Variants in SLC44A5 observed in about 807,000 individuals in gnomAD.
The protein encoded by SLC44A5 is choline transporter-like protein 5.
A neutral mutation model predicts 101.8 loss-of-function variants in SLC44A5; 57 were observed. That is an observed-to-expected ratio of 0.56 (90% CI 0.45 to 0.70). SLC44A5 has a LOEUF of 0.70. Ranked by LOEUF, SLC44A5 falls within the 30% of genes least tolerant of loss-of-function variation. The probability of loss-of-function intolerance (pLI) is 0.00; values close to 1 mark genes in which losing one functional copy is unlikely to be tolerated. For missense variants in SLC44A5, 737 were observed against 853.1 expected (o/e 0.86, Z 1.70); for synonymous variants, 281 against 290.9 (o/e 0.97, Z 0.35).
the SLC44A5 span, among the ~76,000 whole-genome samples, chr1:75,702,478 C>T: frequency 6.6e-6 from 1 of 152,046 alleles, no homozygotes; most frequent in Non-Finnish European, 1.5e-5. Context: ...GAAACTGGAT[C>T]CCTTCCTTAC....
At chr1:75,361,162 A>G (rs558902122) in intron 3 of SLC44A5, among the ~76,000 whole-genome samples, 2 of 152,188 alleles carry the variant, frequency 1.3e-5, no homozygotes, top group Non-Finnish European at 2.9e-5. Flanking sequence ...TTTGTATCCT[A>G]CAACTTTTCT....
chr1:75,545,030 C>G (rs566380208), intron 1 of SLC44A5, among the ~76,000 whole-genome samples: 6 of 152,212 alleles, frequency 3.9e-5, no homozygotes, highest in African/African-American at 1.2e-4. Flanking sequence ...CCAAAAGGCC[C>G]TGGTGTGTGA....
At chr1:75,239,063 ATCAGTGAATAATACCT>A (rs1648382028) in intron 9 of SLC44A5, among the ~76,000 whole-genome samples, 1 of 152,074 alleles carries the variant, frequency 6.6e-6, no homozygotes. Flanking sequence ...AAAATTGGGG[ATCAGTGAATAATACCT>A]TGGCAAATAA....
chr1:75,279,934 A>T (rs1307465759), intron 5 of SLC44A5, among the ~76,000 whole-genome samples: 2 of 151,276 alleles, frequency 1.3e-5, no homozygotes, highest in African/African-American at 2.4e-5. Context: ...TTCGAAGTAC[A>T]TTGTATCATT....
At chr1:75,663,971 G>A in the SLC44A5 span, among the ~76,000 whole-genome samples, 4 of 152,100 alleles carry the variant, frequency 2.6e-5, no homozygotes, top group Non-Finnish European at 4.4e-5. Context: ...TGATCAAGTC[G>A]GGTTCATTCC....
At chr1:75,692,159 T>C in the SLC44A5 span, among the ~76,000 whole-genome samples, 42 of 150,948 alleles carry the variant, frequency 2.8e-4, no homozygotes, top group Non-Finnish European at 4.6e-4. Flanking sequence ...AGTAAAGTGT[T>C]TGCATAGATG....
intron 5 of SLC44A5, among the ~76,000 whole-genome samples, chr1:75,294,269 C>T (rs76477607): frequency 0.024 from 3,723 of 152,062 alleles, 152 homozygotes; most frequent in African/African-American, 0.086. Context: ...ACCAAGTTCC[C>T]AAATTAGAAC....
At chr1:75,451,093 T>C (rs1482764363) in intron 2 of SLC44A5, among the ~76,000 whole-genome samples, 1 of 152,168 alleles carries the variant, frequency 6.6e-6, no homozygotes, top group Admixed American at 6.5e-5. Context: ...CTCTAAGCAC[T>C]TGGTAGCTAC....
At chr1:75,695,120 T>G in the SLC44A5 span, among the ~76,000 whole-genome samples, 2 of 152,174 alleles carry the variant, frequency 1.3e-5, no homozygotes, top group African/African-American at 2.4e-5. Flanking sequence ...TACACTTAAT[T>G]TATGTCACCA....
At chr1:75,490,727 C>T (rs931851813) in intron 2 of SLC44A5, among the ~76,000 whole-genome samples, 3 of 152,148 alleles carry the variant, frequency 2.0e-5, no homozygotes, top group African/African-American at 7.2e-5. Context: ...TCCACATGCT[C>T]ATTCAAGTTT....
intron 3 of SLC44A5, among the ~76,000 whole-genome samples, chr1:75,375,985 G>T (rs576362730): frequency 1.3e-4 from 20 of 152,186 alleles, no homozygotes; most frequent in African/African-American, 4.8e-4. Flanking sequence ...TGTGTGCACC[G>T]TGTGCGAGCC....
chr1:75,611,962 T>C (rs561442507), upstream of SLC44A5, among the ~76,000 whole-genome samples: 12 of 152,248 alleles, frequency 7.9e-5, no homozygotes, highest in South Asian at 2.5e-3. Context: ...CAATATGTTT[T>C]TCCTAAGACT....
At chr1:75,659,627 CAAA>C in the SLC44A5 span, among the ~76,000 whole-genome samples, 25,732 of 98,700 alleles carry the variant, frequency 0.26, 3,321 homozygotes, top group Admixed American at 0.34. Flanking sequence ...CCATCTCTAC[CAAA>C]AAAAAAAAAA....
At chr1:75,485,824 G>A (rs1254733027) in intron 2 of SLC44A5, among the ~76,000 whole-genome samples, 5 of 152,166 alleles carry the variant, frequency 3.3e-5, no homozygotes, top group African/African-American at 1.2e-4. Context: ...GGCGGAAGGT[G>A]AAGGGGAAGC....
chr1:75,590,517 A>G (rs1292564694), intron 1 of SLC44A5, among the ~76,000 whole-genome samples: 1 of 152,072 alleles, frequency 6.6e-6, no homozygotes. Context: ...CAATTCCAGG[A>G]CTTGACTCTT....
rs72684168 is a variant in SLC44A5 at position 75,558,557 on chromosome 1, G to A, written c.-69-17041C>T. Among the ~76,000 whole-genome samples the A allele has an allele frequency of 4.3e-4, 66 of 152,216 alleles. 1 individual carries two copies. Among genetic ancestry groups the A allele is most frequent in the Non-Finnish European group, 3.5e-4 (24 of 67,992 alleles). On this transcript the variant is annotated intron_variant, in intron 1 of 23. Transcript: ENST00000370859. ...AACTCCACACTACCTTAATATGGCT[G>A]TAGGTTGGTTAGCTGCTTTTTAAGA...
the SLC44A5 span, among the ~76,000 whole-genome samples, chr1:75,681,426 A>C: frequency 1.3e-5 from 2 of 151,624 alleles, no homozygotes; most frequent in African/African-American, 2.4e-5. Flanking sequence ...AGTGGGCTTC[A>C]TCCCTGGGAT....
At chr1:75,721,525 T>C in the SLC44A5 span, among the ~76,000 whole-genome samples, 5 of 152,248 alleles carry the variant, frequency 3.3e-5, no homozygotes, top group African/African-American at 1.2e-4. Context: ...TGGACACTGC[T>C]GGCTTACACC....
intron 4 of SLC44A5, among the ~76,000 whole-genome samples, chr1:75,310,912 A>T (rs1655244141): frequency 6.6e-6 from 1 of 152,078 alleles, no homozygotes; most frequent in Non-Finnish European, 1.5e-5. Context: ...ATAATTCTTG[A>T]CATTCATATT....
Sources: gnomAD v4.1 joint callset for allele counts (sites outside exome capture counted in the v4.1 genomes callset) on GRCh38, gnomAD v4.1.1 for gene constraint, MANE v1.5 for transcripts, NCBI Gene and HGNC (gene_info 2026-07-23, HGNC 2026-07-21) for gene names.